Variants in DACH1 observed in about 807,000 individuals in gnomAD.
The protein encoded by DACH1 is dachshund family transcription factor 1.
Under a neutral mutation model 54.2 loss-of-function variants are expected in DACH1, and 12 were observed. The observed-to-expected ratio is 0.22, with a 90% CI of 0.14 to 0.36. DACH1 has a LOEUF of 0.36. Ranked by LOEUF, DACH1 falls within the 10% of genes least tolerant of loss-of-function variation. DACH1 has a pLI of 1.00. For missense variants in DACH1, 805 were observed against 929.8 expected, an observed-to-expected ratio of 0.87 and a Z score of 1.75; for synonymous variants, 386 against 366.2, an observed-to-expected ratio of 1.05 and a Z score of -0.62.
Position 71,866,677 on chromosome 13 carries a change from G to C in DACH1, c.93C>G (p.Thr31=). ...STSASSSGTT[T]STSSATSSPA... ...GAGACGAAGTCGCCGAAGAGGTGGAGGTGGTGGTGCCAGAGGAGGAAGCAG... is the reference window on the plus strand; with the variant it reads ...GAGACGAAGTCGCCGAAGAGGTGGACGTGGTGGTGCCAGAGGAGGAAGCAG... Residue 31 remains threonine (T), a synonymous_variant, in exon 1 of 11, where the codon ACC becomes ACG. Coordinates refer to ENST00000613252, the MANE Select transcript of DACH1 (RefSeq NM_080759.6). 6.9e-7 allele frequency: 1 copy of C among 1,456,262 alleles called. No individual in the cohort carries two copies. Among genetic ancestry groups the C allele is most frequent in the South Asian group, 1.6e-5 (1 of 64,376 alleles). 90.2% of individuals were successfully genotyped at this position (1,456,262 alleles called of 1,614,324 possible). A position where few individuals can be genotyped will look rare whatever the true frequency, so the allele number is the denominator to read the frequency against.
intron 1 of DACH1, among the ~76,000 whole-genome samples, chr13:71,819,136 G>A (rs190043138): frequency 1.1e-3 from 160 of 152,310 alleles, no homozygotes; most frequent in Middle Eastern, 6.8e-3. Flanking sequence ...GGAACATGGA[G>A]CTGAAGCTAT....
At chr13:71,797,622 T>A (rs1887110873) in intron 1 of DACH1, among the ~76,000 whole-genome samples, 1 of 152,018 alleles carries the variant, frequency 6.6e-6, no homozygotes, top group African/African-American at 2.4e-5. Flanking sequence ...CACAGAGGGG[T>A]AGTTGGTGCT....
At chr13:71,735,327 A>G (rs1362717608) in intron 1 of DACH1, among the ~76,000 whole-genome samples, 2 of 55,584 alleles carry the variant, frequency 3.6e-5, no homozygotes, top group Non-Finnish European at 1.5e-4. Flanking sequence ...TGGGATATAC[A>G]CGTATACGGG....
intron 1 of DACH1, among the ~76,000 whole-genome samples, chr13:71,729,127 G>A (rs1311619332): frequency 6.6e-6 from 1 of 151,788 alleles, no homozygotes; most frequent in Non-Finnish European, 1.5e-5. Flanking sequence ...CTTCACCTGG[G>A]GCACTTCATT....
At chr13:71,651,680 CTGTATA>C (rs57138100) in intron 2 of DACH1, among the ~76,000 whole-genome samples, 61,307 of 121,076 alleles carry the variant, frequency 0.51, 14,592 homozygotes, top group Middle Eastern at 0.61. Context: ...GTATCTGTAT[CTGTATA>C]TGTATATGTA....
At chr13:71,776,554 A>G (rs190273996) in intron 1 of DACH1, among the ~76,000 whole-genome samples, 14 of 152,246 alleles carry the variant, frequency 9.2e-5, no homozygotes, top group Middle Eastern at 3.4e-3. Context: ...GTGATGCTAT[A>G]ATAAGCAATA....
Position 71,455,540 on chromosome 13 carries a change from G to A in DACH1, c.2084-14848C>T, listed in dbSNP as rs74633801. On this transcript the variant is annotated intron_variant, in intron 10 of 10. Transcript: ENST00000613252. Reference sequence around the variant, plus strand: ...TTCTCAGAAATAAAAACAATAATTCGAAATAGTTTAATTCTCAGATCAAAA... The same window carrying A: ...TTCTCAGAAATAAAAACAATAATTCAAAATAGTTTAATTCTCAGATCAAAA... Among the ~76,000 whole-genome samples, 151 of 152,066 alleles carry A rather than the reference G, an allele frequency of 9.9e-4. 1 individual carries two copies. In the Middle Eastern group the frequency reaches 0.017, roughly 17 times the overall value.
At chr13:71,701,370 G>A (rs1448040500) in intron 1 of DACH1, among the ~76,000 whole-genome samples, 1 of 152,110 alleles carries the variant, frequency 6.6e-6, no homozygotes. Context: ...TATAACTTTA[G>A]ATGCAATTGT....
At chr13:71,583,198 A>G (rs1460087386) in intron 3 of DACH1, among the ~76,000 whole-genome samples, 2 of 152,168 alleles carry the variant, frequency 1.3e-5, no homozygotes. Flanking sequence ...AACCTAGGTA[A>G]AGTTACACAA....
At chr13:71,792,339 T>C (rs1050674009) in intron 1 of DACH1, among the ~76,000 whole-genome samples, 1 of 148,420 alleles carries the variant, frequency 6.7e-6, no homozygotes, top group African/African-American at 2.5e-5. Flanking sequence ...AAGTGTTTTG[T>C]ACACACACAC....
chr13:71,633,398 G>T (rs1449294591), intron 2 of DACH1, among the ~76,000 whole-genome samples: 2 of 152,152 alleles, frequency 1.3e-5, no homozygotes, highest in African/African-American at 4.8e-5. Flanking sequence ...TTTCTGCAGA[G>T]TATCTGTGGC....
intron 4 of DACH1, among the ~76,000 whole-genome samples, chr13:71,571,899 C>A (rs566108456): frequency 6.6e-6 from 1 of 151,930 alleles, no homozygotes; most frequent in Non-Finnish European, 1.5e-5. Flanking sequence ...CCACGCCTGG[C>A]TAATTTTTTG....
intron 3 of DACH1, chr13:71,573,308 C>T: frequency 3.2e-6 from 2 of 634,310 alleles, no homozygotes; most frequent in Admixed American, 2.6e-5. Flanking sequence ...TAACTTATCC[C>T]AATTAGCTAT....
intron 1 of DACH1, among the ~76,000 whole-genome samples, chr13:71,689,587 A>C (rs979567473): frequency 6.6e-6 from 1 of 152,212 alleles, no homozygotes; most frequent in Non-Finnish European, 1.5e-5. Flanking sequence ...CTCAAAAGTC[A>C]CACTGTATAC....
intron 1 of DACH1, among the ~76,000 whole-genome samples, chr13:71,695,753 C>T (rs532716038): frequency 6.6e-6 from 1 of 152,304 alleles, no homozygotes; most frequent in South Asian, 2.1e-4. Context: ...ATCACCAAGG[C>T]TTGTTTCTTC....
intron 3 of DACH1, among the ~76,000 whole-genome samples, chr13:71,578,283 G>A (rs966017223): frequency 6.6e-6 from 1 of 152,050 alleles, no homozygotes; most frequent in African/African-American, 2.4e-5. Flanking sequence ...TGAAAATGAC[G>A]GCAAGAGCAG....
intron 1 of DACH1, among the ~76,000 whole-genome samples, chr13:71,861,487 A>T (rs1874349083): frequency 6.6e-6 from 1 of 152,028 alleles, no homozygotes; most frequent in Non-Finnish European, 1.5e-5. Flanking sequence ...AACAAAGTAA[A>T]TTCTAGGTTA....
chr13:71,623,317 A>C (rs1261017485), intron 3 of DACH1, among the ~76,000 whole-genome samples: 4 of 151,700 alleles, frequency 2.6e-5, no homozygotes. Context: ...ATGATCAGTT[A>C]TTAATATACT....
chr13:71,576,837 G>T (rs1355019130), intron 3 of DACH1, among the ~76,000 whole-genome samples: 1 of 152,072 alleles, frequency 6.6e-6, no homozygotes, highest in Non-Finnish European at 1.5e-5. Flanking sequence ...ACAGAAGCTA[G>T]CTCAGCTTTT....
Sources: gnomAD v4.1 joint callset for allele counts (sites outside exome capture counted in the v4.1 genomes callset) on GRCh38, gnomAD v4.1.1 for gene constraint, MANE v1.5 for transcripts, NCBI Gene and HGNC (gene_info 2026-07-23, HGNC 2026-07-21) for gene names.